Variants in PCDH7 observed in about 807,000 individuals in gnomAD.
The protein encoded by PCDH7 is protocadherin 7, also known as protocadherin-7.
PCDH7 carries 17 observed loss-of-function variants against 58.9 expected under a neutral mutation model. The observed-to-expected ratio is 0.29, with a 90% CI of 0.20 to 0.43. The LOEUF (loss-of-function observed/expected upper bound fraction) is 0.43. Among genes scored for constraint, PCDH7 ranks in the 20% least tolerant of loss-of-function variants. PCDH7 has a pLI of 1.00. For missense variants in PCDH7, 1,274 were observed against 1,441.0 expected (o/e 0.88, Z 1.88); for synonymous variants, 664 against 616.4 (o/e 1.08, Z -1.14).
intron 1 of PCDH7, among the ~76,000 whole-genome samples, chr4:30,861,872 A>T (rs1313668289): frequency 6.6e-6 from 1 of 152,050 alleles, no homozygotes; most frequent in African/African-American, 2.4e-5. Context: ...TTAGCCTTTT[A>T]TTTGACTTTG....
chr4:30,879,185 C>T (rs563582468), intron 1 of PCDH7, among the ~76,000 whole-genome samples: 1 of 152,112 alleles, frequency 6.6e-6, no homozygotes, highest in South Asian at 2.1e-4. Flanking sequence ...CTTTATTCCT[C>T]CTTCTCCTGC....
chr4:31,050,639 T>G (rs1423573038), intron 3 of PCDH7, among the ~76,000 whole-genome samples: 2 of 152,240 alleles, frequency 1.3e-5, no homozygotes, highest in African/African-American at 2.4e-5. Flanking sequence ...TCTCATAATT[T>G]ACTGAAATGA....
chr4:30,995,171 A>G (rs6448729), intron 3 of PCDH7, among the ~76,000 whole-genome samples: 40,086 of 151,998 alleles, frequency 0.26, 6,162 homozygotes, highest in African/African-American at 0.42. Flanking sequence ...TATTTCTTCT[A>G]TTGGTCGACA....
chr4:30,732,296 G>GA (rs920422049), exon 2 of PCDH7: 4 of 152,116 alleles, frequency 2.6e-5, no homozygotes, highest in African/African-American at 9.7e-5. Flanking sequence ...TCTGCTTCTT[G>GA]AAAATGCTGT....
chr4:30,722,046 G>T lies in PCDH7; in HGVS notation c.624G>T (p.Gly208=). 1.6e-6 allele frequency: 2 copies of T among 1,241,692 alleles called. No homozygotes were observed. Among genetic ancestry groups the T allele is most frequent in the South Asian group, 3.7e-5 (1 of 27,306 alleles). 76.9% of individuals were successfully genotyped at this position (1,241,692 alleles called of 1,614,324 possible). A position where few individuals can be genotyped will look rare whatever the true frequency, so the allele number is the denominator to read the frequency against. The change falls in exon 1 of 2, where the codon GGG becomes GGT. Residue 208 remains glycine, a synonymous_variant. Transcript: ENST00000361762. This position sits in a 1 kb window ranked among gnomAD's most constrained non-coding sequence, Gnocchi z 7.6. ...CGGCCGACAGCGCCCCCTACCCCGG[G>T]GGCGGCGGGAACGGCGCGAGCGGCG...
At chr4:30,772,646 A>G (rs1721563468) in intron 1 of PCDH7, among the ~76,000 whole-genome samples, 1 of 152,180 alleles carries the variant, frequency 6.6e-6, no homozygotes, top group Non-Finnish European at 1.5e-5. Flanking sequence ...CTTCTGAAGG[A>G]CTGTGACTCT....
intron 3 of PCDH7, among the ~76,000 whole-genome samples, chr4:31,094,761 T>A (rs185440904): frequency 2.0e-5 from 3 of 152,154 alleles, no homozygotes; most frequent in African/African-American, 7.2e-5. Context: ...TCTGCTCTTC[T>A]GATACATTTC....
intron 2 of PCDH7, among the ~76,000 whole-genome samples, chr4:30,946,970 C>A (rs544617459): frequency 6.6e-6 from 1 of 152,236 alleles, no homozygotes; most frequent in African/African-American, 2.4e-5. Context: ...CCTCGGCCTC[C>A]CAAATTGCTG....
chr4:30,919,855 T>A (rs908730352), intron 1 of PCDH7, among the ~76,000 whole-genome samples: 5 of 152,188 alleles, frequency 3.3e-5, no homozygotes, highest in Non-Finnish European at 7.3e-5. Flanking sequence ...TACTATAGAA[T>A]AGAAAAAGGT....
At chr4:31,133,925 T>G (rs1175190096) in intron 3 of PCDH7, among the ~76,000 whole-genome samples, 1 of 152,204 alleles carries the variant, frequency 6.6e-6, no homozygotes, top group African/African-American at 2.4e-5. Flanking sequence ...AAGTTGCTGA[T>G]GCTTTCAGAC....
At chr4:30,991,532 A>T (rs1751465448) in intron 3 of PCDH7, among the ~76,000 whole-genome samples, 1 of 152,164 alleles carries the variant, frequency 6.6e-6, no homozygotes, top group Non-Finnish European at 1.5e-5. Context: ...TTTAATCTTA[A>T]TTTACATTTA....
chr4:30,738,343 T>C (rs1716589847), intron 1 of PCDH7, among the ~76,000 whole-genome samples: 1 of 152,020 alleles, frequency 6.6e-6, no homozygotes, highest in Admixed American at 6.6e-5. Context: ...AAGGAAACTT[T>C]CCTTCCCTTG....
At chr4:30,970,138 G>T (rs1258352283) in intron 3 of PCDH7, among the ~76,000 whole-genome samples, 1 of 152,116 alleles carries the variant, frequency 6.6e-6, no homozygotes, top group Non-Finnish European at 1.5e-5. Context: ...AATTATAAAT[G>T]GGTTTTTATT....
chr4:31,074,798 A>AAG (rs1402681111), intron 3 of PCDH7, among the ~76,000 whole-genome samples: 3 of 150,562 alleles, frequency 2.0e-5, no homozygotes, highest in African/African-American at 7.4e-5. Flanking sequence ...AAAAAAAAAA[A>AAG]AAAAAAAAAG....
chr4:31,006,963 T>A (rs1468166412), intron 3 of PCDH7, among the ~76,000 whole-genome samples: 3 of 151,652 alleles, frequency 2.0e-5, no homozygotes, highest in African/African-American at 7.3e-5. Flanking sequence ...CTATTACATA[T>A]AGCTATTTTA....
intron 1 of PCDH7, among the ~76,000 whole-genome samples, chr4:30,860,552 T>C (rs1239998620): frequency 1.3e-5 from 2 of 152,136 alleles, no homozygotes; most frequent in Admixed American, 1.3e-4. Context: ...TTCGGCAGCC[T>C]ATATGAACAA....
intron 1 of PCDH7, among the ~76,000 whole-genome samples, chr4:30,765,125 C>CTTTTTTTTTTTTTT (rs10692198): frequency 0.013 from 658 of 49,206 alleles, 158 homozygotes; most frequent in African/African-American, 0.025. Context: ...ACTTCAGATG[C>CTTTTTTTTTTTTTT]TTTTTTTTTT....
intron 1 of PCDH7, among the ~76,000 whole-genome samples, chr4:30,840,979 G>A (rs529998575): frequency 6.6e-6 from 1 of 151,584 alleles, no homozygotes; most frequent in Non-Finnish European, 1.5e-5. Context: ...TGGGAATTCC[G>A]ATTCTTTTGC....
intron 3 of PCDH7, among the ~76,000 whole-genome samples, chr4:30,980,621 C>T (rs1750468292): frequency 1.3e-5 from 2 of 152,110 alleles, no homozygotes; most frequent in African/African-American, 4.8e-5. Context: ...GAGTATCATA[C>T]TCACTTAAAT....
Sources: gnomAD v4.1 joint callset for allele counts (sites outside exome capture counted in the v4.1 genomes callset) on GRCh38, gnomAD v4.1.1 for gene constraint, Gnocchi (gnomAD v3.1) non-coding constraint, MANE v1.5 for transcripts, NCBI Gene and HGNC (gene_info 2026-07-23, HGNC 2026-07-21) for gene names.